ZC3H12B: variants seen among roughly 807,000 people sequenced by gnomAD.
ZC3H12B encodes the protein zinc finger CCCH-type containing 12B.
Under a neutral mutation model 43.9 loss-of-function variants are expected in ZC3H12B, and 7 were observed. That is an observed-to-expected ratio of 0.16 (90% CI 0.09 to 0.30). The LOEUF is 0.30. ZC3H12B is among the 10% of genes least tolerant of loss of function. The pLI is 1.00. For missense variants in ZC3H12B, 475 were observed against 670.2 expected (o/e 0.71, Z 3.22); for synonymous variants, 222 against 241.7 (o/e 0.92, Z 0.76).
the ZC3H12B span, among the ~76,000 whole-genome samples, chrX:65,068,766 C>T: frequency 9.0e-6 from 1 of 111,448 alleles, no homozygotes; most frequent in African/African-American, 3.3e-5. Context: ...CTTTTTCTTT[C>T]TGGTTGAAGT....
the ZC3H12B span, among the ~76,000 whole-genome samples, chrX:65,283,296 G>A: frequency 1.8e-5 from 2 of 111,696 alleles, no homozygotes; most frequent in East Asian, 5.6e-4. Flanking sequence ...AAAACTCTCA[G>A]TAAACTAGGT....
At chrX:65,055,013 C>T in the ZC3H12B span, among the ~76,000 whole-genome samples, 1 of 111,663 alleles carries the variant, frequency 9.0e-6, no homozygotes, top group African/African-American at 3.3e-5. Context: ...TCTAGATAAA[C>T]AATCATGTCA....
intron 3 of ZC3H12B, among the ~76,000 whole-genome samples, chrX:65,420,858 A>G (rs1031454158): frequency 8.9e-6 from 1 of 112,563 alleles, no homozygotes; most frequent in Non-Finnish European, 1.9e-5. Flanking sequence ...ATGTGGTTTC[A>G]TTGCTTGAGC....
At chrX:65,181,674 G>T in the ZC3H12B span, among the ~76,000 whole-genome samples, 3 of 112,290 alleles carry the variant, frequency 2.7e-5, no homozygotes, top group Non-Finnish European at 5.6e-5. Context: ...CTGGTCATTA[G>T]AGAAATGCAA....
chrX:65,373,947 TTA>T (rs757776386), intron 2 of ZC3H12B, among the ~76,000 whole-genome samples: 20 of 45,785 alleles, frequency 4.4e-4, no homozygotes, highest in East Asian at 6.0e-4. Context: ...ATATATATAG[TTA>T]TATATATATA....
the ZC3H12B span, among the ~76,000 whole-genome samples, chrX:65,047,243 G>A: frequency 2.7e-5 from 3 of 110,881 alleles, no homozygotes; most frequent in South Asian, 3.8e-4. Context: ...ATAAAATGAG[G>A]TACCCCTGCA....
chrX:65,256,380 GA>G, the ZC3H12B span, among the ~76,000 whole-genome samples: 15,841 of 111,088 alleles, frequency 0.14, 2,721 homozygotes, highest in African/African-American at 0.49. Flanking sequence ...TCAATAATAA[GA>G]AAATCAATCA....
At chrX:65,135,110 T>G in the ZC3H12B span, among the ~76,000 whole-genome samples, 1 of 111,319 alleles carries the variant, frequency 9.0e-6, no homozygotes, top group African/African-American at 3.3e-5. Flanking sequence ...TATAATGAAG[T>G]ATATATACAC....
At chrX:65,348,626 G>A in the ZC3H12B span, among the ~76,000 whole-genome samples, 2 of 107,423 alleles carry the variant, frequency 1.9e-5, no homozygotes, top group Non-Finnish European at 3.8e-5. Flanking sequence ...CCATCGACAT[G>A]CAAAGACACA....
At chrX:65,277,806 T>C in the ZC3H12B span, among the ~76,000 whole-genome samples, 2 of 110,078 alleles carry the variant, frequency 1.8e-5, no homozygotes, top group Non-Finnish European at 1.9e-5. Flanking sequence ...TTCCAGTAAA[T>C]AGAAAAACAA....
At chrX:65,295,796 A>C in the ZC3H12B span, among the ~76,000 whole-genome samples, 1 of 111,586 alleles carries the variant, frequency 9.0e-6, no homozygotes, top group Non-Finnish European at 1.9e-5. Flanking sequence ...CACAAACTAG[A>C]AACCTTGCAG....
the ZC3H12B span, among the ~76,000 whole-genome samples, chrX:65,346,098 T>C: frequency 9.0e-6 from 1 of 111,574 alleles, no homozygotes; most frequent in Non-Finnish European, 1.9e-5. Flanking sequence ...AATGTCATTT[T>C]TCACAGAATA....
chrX:65,466,092 T>A, intron 3 of ZC3H12B, among the ~76,000 whole-genome samples: 1 of 110,518 alleles, frequency 9.0e-6, no homozygotes, highest in Non-Finnish European at 1.9e-5. Flanking sequence ...GTACATTAGA[T>A]CACCAGAACT....
At chrX:65,138,207 T>C in the ZC3H12B span, among the ~76,000 whole-genome samples, 1 of 112,083 alleles carries the variant, frequency 8.9e-6, no homozygotes, top group South Asian at 3.7e-4. Context: ...TAACTGAAAT[T>C]TGATATCCTT....
chrX:65,310,455 G>A, the ZC3H12B span, among the ~76,000 whole-genome samples: 1 of 111,494 alleles, frequency 9.0e-6, no homozygotes, highest in African/African-American at 3.3e-5. Context: ...GGACGTGAAG[G>A]ACCTCTTCAA....
At chrX:65,286,606 C>T in the ZC3H12B span, among the ~76,000 whole-genome samples, 4 of 110,179 alleles carry the variant, frequency 3.6e-5, no homozygotes, top group Non-Finnish European at 7.6e-5. Flanking sequence ...TGTGTATATA[C>T]ACACACACAC....
At chrX:65,221,936 A>T in the ZC3H12B span, among the ~76,000 whole-genome samples, 2 of 111,777 alleles carry the variant, frequency 1.8e-5, no homozygotes, top group Middle Eastern at 9.2e-3. Context: ...GAACATAGAT[A>T]GAAAAATCTT....
chrX:65,136,807 A>G, the ZC3H12B span, among the ~76,000 whole-genome samples: 3 of 111,573 alleles, frequency 2.7e-5, no homozygotes, highest in Admixed American at 1.9e-4. Context: ...TGTTTTATAT[A>G]TAATGTTCAA....
the ZC3H12B span, among the ~76,000 whole-genome samples, chrX:65,338,392 G>T: frequency 1.8e-5 from 2 of 111,482 alleles, no homozygotes; most frequent in African/African-American, 6.5e-5. Context: ...ACCAAATGAA[G>T]TCCTGGAACA....
Sources: gnomAD v4.1 joint callset for allele counts (sites outside exome capture counted in the v4.1 genomes callset) on GRCh38, gnomAD v4.1.1 for gene constraint, MANE v1.5 for transcripts, NCBI Gene and HGNC (gene_info 2026-07-23, HGNC 2026-07-21) for gene names.